The following PDZD7 variants were observed in gnomAD, a reference collection of about 807,000 sequenced individuals.
The protein encoded by PDZD7 is PDZ domain containing 7.
In PDZD7, 72 loss-of-function variants were observed where a neutral mutation model predicts 84.7. That is an observed-to-expected ratio of 0.85 (90% confidence interval 0.70 to 1.03). PDZD7 has a LOEUF of 1.03. Ranked by LOEUF, PDZD7 falls within the 50% of genes least tolerant of loss-of-function variation. The pLI, the probability that PDZD7 is intolerant of heterozygous loss-of-function variation, is 0.00. For missense variants in PDZD7, 1,490 were observed against 1,412.9 expected (o/e 1.05, Z -0.87); for synonymous variants, 594 against 580.7 (o/e 1.02, Z -0.33).
chr10:101,010,498 T>C lies in PDZD7; in HGVS notation c.2391A>G (p.Pro797=). The C allele has an allele frequency of 6.5e-7, 1 of 1,533,812 alleles. No individual in the cohort carries two copies. The highest frequency in any genetic ancestry group is 8.7e-7 in the Non-Finnish European group (1 of 1,145,290). Residue 797 remains proline, a synonymous_variant, in exon 15 of 17, where the codon CCA becomes CCG. Coordinates refer to ENST00000619208, the MANE Select transcript of PDZD7 (RefSeq NM_001195263.2). ...GQGKSPGRRS[P]SPVPTPAPSM... is the part of the protein sequence containing the mutation. ...TGGGGGCAGGGGTAGGCACCGGGGA[T>C]GGGGAGCGTCTACCTGGAGACTTGC...
At chr10:101,019,924 CTTT>C (rs558038621) in intron 7 of PDZD7, among the ~76,000 whole-genome samples, 2 of 138,116 alleles carry the variant, frequency 1.4e-5, no homozygotes, top group Non-Finnish European at 1.6e-5. Flanking sequence ...CCGCGCCAGG[CTTT>C]TTTTTTTTTT....
rs1050568581 is a variant in PDZD7, at chr10:101,008,775, G to A, written c.2794C>T (p.Arg932Cys). The stretch of plus-strand genomic sequence containing the variant: ...CGGGCCTTGTTTCGATAAGCCCGAC[G>A]GATGGTGTCTACTGCACGCTGGTGG... ...VTHQRAVDTI[R>C]RAYRNKAREP... The change falls in exon 17 of 17, where the codon CGT becomes TGT. Residue 932 changes from arginine to cysteine, a missense_variant. By Grantham distance (180) the Arg-to-Cys change is radical. Transcript: ENST00000619208. 1.0e-5 allele frequency: 16 copies of A among 1,535,432 alleles called. No homozygotes were observed. The highest frequency in any genetic ancestry group is 4.9e-5 in the East Asian group (2 of 40,892).
intron 5 of PDZD7, 105 bp from the exon 6 acceptor site, chr10:101,022,050 T>C: frequency 6.4e-7 from 1 of 1,565,570 alleles, no homozygotes; most frequent in Non-Finnish European, 8.7e-7. Context: ...TCAAGGTCCT[T>C]GACCCTCCTA....
Position 101,025,169 on chromosome 10 carries a change from A to G in PDZD7, c.227-1101T>C, listed in dbSNP as rs146376567. On this transcript the variant is annotated intron_variant, in intron 2 of 16. Transcript: ENST00000619208. The stretch of plus-strand genomic sequence containing the variant: ...ACAGAGGCAGATTTTGTAAGGAAAA[A>G]CTTTCTAAAACATTCTGCTGTTGGA... Among the ~76,000 whole-genome samples, 803 of 152,250 alleles carry G rather than the reference A, an allele frequency of 5.3e-3. 5 individuals are homozygous for G. The highest frequency in any genetic ancestry group is 6.9e-3 in the Non-Finnish European group (466 of 68,006).
chr10:101,018,376 C>T (rs1166611770), intron 8 of PDZD7, 80 bp from the exon 9 acceptor site: 3 of 1,488,504 alleles, frequency 2.0e-6, no homozygotes, highest in Non-Finnish European at 2.8e-6. Context: ...TGGGGAGGGA[C>T]AGAGAGAAGG....
rs1282484300 is a variant in PDZD7 at position 101,018,098 on chromosome 10, C to A, written c.1522+1G>T. 3 of 1,614,174 alleles carry A rather than the reference C, an allele frequency of 1.9e-6. No individual in the cohort carries two copies. The highest frequency in any genetic ancestry group is 2.5e-6 in the Non-Finnish European group (3 of 1,180,024). The stretch of plus-strand genomic sequence containing the variant: ...TCCTGTTTGATCAGCCCACTACTTA[C>A]CTTTCTCTATGTCCAGGCGAGGGTA... On this transcript the variant is annotated splice_donor_variant, in intron 9 of 16. Transcript: ENST00000619208. LOFTEE classifies it high-confidence loss of function.
At chr10:101,021,383 G>A (rs1853085106) in intron 6 of PDZD7, among the ~76,000 whole-genome samples, 1 of 152,110 alleles carries the variant, frequency 6.6e-6, no homozygotes, top group African/African-American at 2.4e-5. Flanking sequence ...GCCACCTCCC[G>A]TGAAATCCAA....
At chr10:101,022,071 C>G in intron 5 of PDZD7, 126 bp from the exon 6 acceptor site, 2 of 1,548,948 alleles carry the variant, frequency 1.3e-6, no homozygotes, top group Non-Finnish European at 1.8e-6. Flanking sequence ...CTGGGGCCTC[C>G]CGCCCCCTCC....
rs1384928452 is a variant in PDZD7, at chr10:101,012,209, A to T, written c.1799T>A (p.Ile600Asn). ...TAGCAGCTTCTCCGGCCTGTCGAGG[A>T]TGGCCAGCAGGGGCCTCACCAGGTC... ...IEDLVRPLLA[I>N]LDRPEKLLLL... The change falls in exon 12 of 17, where the codon ATC becomes AAC. Residue 600 changes from isoleucine (I) to asparagine (N), a missense_variant. Ile to Asn is a moderately radical substitution (Grantham distance 149). Coordinates refer to ENST00000619208, the MANE Select transcript of PDZD7 (RefSeq NM_001195263.2). The T allele has an allele frequency of 5.8e-6, 9 of 1,550,332 alleles. No homozygotes were observed. The highest frequency in any genetic ancestry group is 7.8e-6 in the Non-Finnish European group (9 of 1,147,004).
rs751873690 is a variant in PDZD7, at chr10:101,018,811, C to A, written c.1324+11G>T. The A allele has an allele frequency of 6.3e-7, 1 of 1,579,000 alleles. No homozygotes were observed. The highest frequency in any genetic ancestry group is 1.8e-5 in the Admixed American group (1 of 57,124). On this transcript the variant is annotated intron_variant, in intron 8 of 16. Transcript: ENST00000619208. Reference sequence around the variant, plus strand: ...TGTGGAGGGAGCAGCCGCCACCCATCCCCCACGTACCCCACAAGGTCAGAT... The same window carrying A: ...TGTGGAGGGAGCAGCCGCCACCCATACCCCACGTACCCCACAAGGTCAGAT...
Position 101,010,272 on chromosome 10 carries a change from C to G in PDZD7, c.2617G>C (p.Gly873Arg). Residue 873 changes from glycine to arginine, a missense_variant and splice_region_variant, in exon 15 of 17, where the codon GGT becomes CGT. Physicochemically the swap from Gly to Arg is moderately radical, Grantham distance 125 (BLOSUM62 -2). Coordinates refer to ENST00000619208, the MANE Select transcript of PDZD7 (RefSeq NM_001195263.2). Reference sequence around the variant, plus strand: ...CGGGCCCAGTCCCACGTGGACTCACCTAAGGACTGCTTCATCTTGGACAGT... The same window carrying G: ...CGGGCCCAGTCCCACGTGGACTCACGTAAGGACTGCTTCATCTTGGACAGT... ...VTLSKMKQSL[G>R]ISISGGIESK... 1 of 1,524,566 alleles carries G rather than the reference C, an allele frequency of 6.6e-7. No individual in the cohort carries two copies. The highest frequency in any genetic ancestry group is 2.5e-5 in the East Asian group (1 of 40,524). The allele number at this position is 1,524,566 out of a possible 1,614,324, so 94.4% of individuals were successfully genotyped here.
At chr10:101,018,338 C>A in intron 8 of PDZD7, 42 bp from the exon 9 acceptor site, 2 of 1,587,184 alleles carry the variant, frequency 1.3e-6, no homozygotes, top group Non-Finnish European at 1.7e-6. Flanking sequence ...GAGGGGTGGG[C>A]AGAAGGGAAG....
chr10:101,009,095 C>T (rs1237254694), intron 16 of PDZD7, among the ~76,000 whole-genome samples, 155 bp downstream of exon 16: 2 of 152,070 alleles, frequency 1.3e-5, no homozygotes, highest in African/African-American at 4.8e-5. Flanking sequence ...TTTCCCTGGG[C>T]CTGCTCATCC....
chr10:101,010,430 G>C lies in PDZD7; in HGVS notation c.2459C>G (p.Pro820Arg). Residue 820 changes from proline (P) to arginine (R), a missense_variant, in exon 15 of 17, where the codon CCC becomes CGC. Physicochemically the swap from Pro to Arg is moderately radical, Grantham distance 103. Coordinates refer to ENST00000619208, the MANE Select transcript of PDZD7 (RefSeq NM_001195263.2). ...GRYHKPRKAR[P>R]PLPRPLDGEA... ...CCCATCCAGAGGTCGTGGCAGAGGG[G>C]GTCTGGCCTTCCGAGGCTTGTGGTA... 1.3e-6 allele frequency: 2 copies of C among 1,536,110 alleles called. No homozygotes were observed. The highest frequency in any genetic ancestry group is 3.9e-5 in the Admixed American group (2 of 50,996).
intron 10 of PDZD7, 57 bp from the exon 11 acceptor site, chr10:101,015,868 C>A: frequency 6.7e-7 from 1 of 1,502,604 alleles, no homozygotes. Flanking sequence ...CAGGGCTGGG[C>A]CCCAGAATTG....
In PDZD7 at chr10:101,013,826, G is replaced by C. The variant is rs1044178640; in HGVS notation, c.1750-1568C>G. On this transcript the variant is annotated intron_variant, in intron 11 of 16. Transcript: ENST00000619208. The stretch of plus-strand genomic sequence containing the variant: ...CCAGGTGGCCTGGGGAGTGTACAGC[G>C]ATCAGACAGGGGTTTCTTTTCTTTC... Among the ~76,000 whole-genome samples, 9 of 151,772 alleles carry C rather than the reference G, an allele frequency of 5.9e-5. No homozygotes were observed. The South Asian group carries it at 8.3e-4, about 14-fold the overall frequency.
rs143641227 is a variant in PDZD7 at position 101,020,745 on chromosome 10, G to A, written c.868-67C>T. The A allele has an allele frequency of 2.5e-4, 286 of 1,153,772 alleles. No individual in the cohort carries two copies. The African/African-American group carries it at 3.2e-3, about 13-fold the overall frequency. 71.5% of individuals were successfully genotyped at this position (1,153,772 alleles called of 1,614,324 possible). A position where few individuals can be genotyped will look rare whatever the true frequency, so the allele number is the denominator to read the frequency against. On this transcript the variant is annotated intron_variant, in intron 6 of 16. Transcript: ENST00000619208. The stretch of plus-strand genomic sequence containing the variant: ...TGAGGAGGGAGAGTGAGAATGGGGC[G>A]GGGGTGACAGGATGGGAGTAAACTT...
chr10:101,009,148 C>G, intron 16 of PDZD7, 102 bp downstream of exon 16: 1 of 1,124,378 alleles, frequency 8.9e-7, no homozygotes, highest in Non-Finnish European at 1.3e-6. Context: ...TCCCACAACC[C>G]GGGCTAAACA....
At chr10:101,016,177 T>A (rs1852616835) in intron 10 of PDZD7, among the ~76,000 whole-genome samples, 200 bp downstream of exon 10, 1 of 152,154 alleles carries the variant, frequency 6.6e-6, no homozygotes, top group African/African-American at 2.4e-5. Flanking sequence ...CATCCCAATA[T>A]CTGTCTGCCA....
Sources: allele counts gnomAD v4.1 joint callset (sites outside exome capture counted in the v4.1 genomes callset), GRCh38; gene constraint gnomAD v4.1.1; transcripts MANE v1.5; gene names NCBI Gene and HGNC (gene_info 2026-07-23, HGNC 2026-07-21).